Variants in ITSN1 observed in about 807,000 individuals in gnomAD.
ITSN1 encodes the protein intersectin 1.
A neutral mutation model predicts 239.8 loss-of-function variants in ITSN1; 58 were observed. The observed-to-expected ratio is 0.24, with a 90% CI of 0.20 to 0.30. ITSN1 has a LOEUF of 0.30. Among genes scored for constraint, ITSN1 ranks in the 10% least tolerant of loss-of-function variants. ITSN1 has a pLI of 1.00. For synonymous variants in ITSN1, 780 were observed against 770.8 expected, an observed-to-expected ratio of 1.01 and a Z score of -0.20; for missense variants, 1,558 against 2,103.3, an observed-to-expected ratio of 0.74 and a Z score of 5.07.
intron 21 of ITSN1, 131 bp from the exon 22 acceptor site, chr21:33,813,782 C>A: frequency 1.5e-6 from 1 of 653,794 alleles, no homozygotes; most frequent in Non-Finnish European, 2.4e-6. Context: ...TTTTTTGGTA[C>A]TTTACTGTGG....
At chr21:33,829,856 T>G in intron 27 of ITSN1, 111 bp downstream of exon 27, 1 of 1,305,014 alleles carries the variant, frequency 7.7e-7, no homozygotes, top group Non-Finnish European at 1.1e-6. Context: ...CCACCTAAAT[T>G]CTGTATTTGG....
chr21:33,772,638 C>T (rs2069253289), intron 12 of ITSN1, among the ~76,000 whole-genome samples: 1 of 152,132 alleles, frequency 6.6e-6, no homozygotes. Context: ...TTGTTTCTGG[C>T]TTTCATTTAG....
chr21:33,830,418 A>G (rs142685748), intron 27 of ITSN1, among the ~76,000 whole-genome samples: 97 of 152,274 alleles, frequency 6.4e-4, no homozygotes, highest in Non-Finnish European at 1.1e-3. Context: ...GCAGGGGAAA[A>G]CACAATAATT....
chr21:33,874,064 A>C (rs1043261903), intron 33 of ITSN1, among the ~76,000 whole-genome samples: 5 of 147,766 alleles, frequency 3.4e-5, no homozygotes, highest in Non-Finnish European at 7.4e-5. Context: ...CTGAGGCAGA[A>C]GAATTGCTTG....
chr21:33,830,620 G>T (rs2074240235), intron 27 of ITSN1, among the ~76,000 whole-genome samples: 1 of 152,112 alleles, frequency 6.6e-6, no homozygotes, highest in African/African-American at 2.4e-5. Context: ...AGGACTGGCT[G>T]CAGTATCTAG....
In ITSN1 at chr21:33,888,350, T is replaced by C. The variant is rs1482311537; in HGVS notation, c.*50T>C. Reference sequence around the variant, plus strand: ...CAGGGTCCCAGCCCACGGCCACACATGCTGTCTGGAAATTGTATTCCTTTT... The same window carrying C: ...CAGGGTCCCAGCCCACGGCCACACACGCTGTCTGGAAATTGTATTCCTTTT... On this transcript the variant is annotated 3_prime_UTR_variant, in exon 40 of 40. Coordinates refer to ENST00000381318, the MANE Select transcript of ITSN1 (RefSeq NM_003024.3). The C allele has an allele frequency of 4.6e-6, 7 of 1,537,538 alleles. No homozygotes were observed. The highest frequency in any genetic ancestry group is 6.2e-6 in the Non-Finnish European group (7 of 1,135,428).
At chr21:33,726,159 A>G (rs1478084780) in intron 4 of ITSN1, among the ~76,000 whole-genome samples, 1 of 152,050 alleles carries the variant, frequency 6.6e-6, no homozygotes, top group Non-Finnish European at 1.5e-5. Flanking sequence ...ATGCCCGCCT[A>G]ACCTTTGTAT....
intron 26 of ITSN1, among the ~76,000 whole-genome samples, chr21:33,827,387 A>G (rs1299123369): frequency 6.6e-6 from 1 of 152,124 alleles, no homozygotes; most frequent in African/African-American, 2.4e-5. Flanking sequence ...GCGATAGAAC[A>G]AGACTCTATC....
intron 20 of ITSN1, among the ~76,000 whole-genome samples, chr21:33,809,065 A>T (rs1206027712): frequency 6.6e-6 from 1 of 152,228 alleles, no homozygotes; most frequent in Non-Finnish European, 1.5e-5. Context: ...AGTTCAGCAT[A>T]AAAGAAGATC....
chr21:33,881,821 A>T (rs1984965214), intron 34 of ITSN1, among the ~76,000 whole-genome samples: 1 of 151,886 alleles, frequency 6.6e-6, no homozygotes, highest in Admixed American at 6.6e-5. Context: ...TCTCTACAAA[A>T]GTTTTTTTCA....
intron 1 of ITSN1, among the ~76,000 whole-genome samples, chr21:33,656,565 A>G (rs2089094936): frequency 6.6e-6 from 1 of 151,762 alleles, no homozygotes; most frequent in Non-Finnish European, 1.5e-5. Context: ...ACGGAGTCTC[A>G]CTCTGTCACC....
Position 33,882,216 on chromosome 21 carries a change from A to C in ITSN1, c.4342-27A>C. ...AGATGCGGAGAAACAAAAATGCTAC[A>C]CTTTGGGTTTTGTTTTCCTTTCTCA... On this transcript the variant is annotated intron_variant, in intron 34 of 39. Transcript: ENST00000381318. The surrounding 1 kb of genome is among the most constrained non-coding windows in gnomAD (Gnocchi z 4.5). 6.2e-7 allele frequency: 1 copy of C among 1,603,482 alleles called. No homozygotes were observed. Among genetic ancestry groups the C allele is most frequent in the Non-Finnish European group, 8.5e-7 (1 of 1,172,452 alleles).
intron 33 of ITSN1, among the ~76,000 whole-genome samples, chr21:33,871,364 A>G (rs1353458863): frequency 6.6e-6 from 1 of 151,996 alleles, no homozygotes; most frequent in African/African-American, 2.4e-5. Context: ...TTTTGCAAGA[A>G]GAGGGGAAAG....
At chr21:33,767,663 A>G in intron 10 of ITSN1, 50 bp from the exon 11 acceptor site, 1 of 1,060,470 alleles carries the variant, frequency 9.4e-7, no homozygotes, top group Non-Finnish European at 1.4e-6. Context: ...GTCCAACTCC[A>G]CCCAGACAGC....
In ITSN1 at chr21:33,782,147, G is replaced by T. The variant is rs771008632; in HGVS notation, c.1824+14G>T. On this transcript the variant is annotated intron_variant, in intron 16 of 39. Coordinates refer to ENST00000381318, the MANE Select transcript of ITSN1 (RefSeq NM_003024.3). ...AATCAGCTGAAGGTAACTCTTCTAT[G>T]TGTGCCTGCATGTGTGTCCTACCTT... 2.5e-6 allele frequency: 4 copies of T among 1,612,234 alleles called. No individual in the cohort carries two copies. The highest frequency in any genetic ancestry group is 8.5e-7 in the Non-Finnish European group (1 of 1,178,996).
At position 33,882,763 on chromosome 21, in the gene ITSN1, A is replaced by G. The variant is rs1297579854; in HGVS notation, c.4554+308A>G. On this transcript the variant is annotated intron_variant, in intron 35 of 39. Coordinates refer to ENST00000381318, the MANE Select transcript of ITSN1 (RefSeq NM_003024.3). This position sits in a 1 kb window ranked among gnomAD's most constrained non-coding sequence, Gnocchi z 4.5. ...TAGGGTACAGATGAGGCAGGTGTGA[A>G]AAAGCTCGGGAGAAGAGGTGCAAAA... Among the ~76,000 whole-genome samples, 1 of 152,150 alleles carries G rather than the reference A, an allele frequency of 6.6e-6. No individual in the cohort carries two copies. Among genetic ancestry groups the G allele is most frequent in the African/African-American group, 2.4e-5 (1 of 41,430 alleles).
chr21:33,775,174 T>A, intron 14 of ITSN1, 66 bp downstream of exon 14: 1 of 1,512,320 alleles, frequency 6.6e-7, no homozygotes, highest in Non-Finnish European at 9.0e-7. Context: ...ATTCATTTCA[T>A]TTACTTACTT....
intron 25 of ITSN1, among the ~76,000 whole-genome samples, chr21:33,823,983 T>C (rs1281668798): frequency 6.6e-6 from 1 of 152,234 alleles, no homozygotes; most frequent in Non-Finnish European, 1.5e-5. Flanking sequence ...ATTAGATCAT[T>C]ATGGTCATTG....
At chr21:33,813,693 A>G (rs914943755) in intron 21 of ITSN1, among the ~76,000 whole-genome samples, 1 of 151,878 alleles carries the variant, frequency 6.6e-6, no homozygotes, top group Admixed American at 6.6e-5. Flanking sequence ...CATTAAGTAT[A>G]CTAGGTTTGT....
Sources: allele counts gnomAD v4.1 joint callset (sites outside exome capture counted in the v4.1 genomes callset), GRCh38; gene constraint gnomAD v4.1.1; non-coding constraint Gnocchi (gnomAD v3.1); transcripts MANE v1.5; gene names NCBI Gene and HGNC (gene_info 2026-07-23, HGNC 2026-07-21).